The following DLGAP2 variants were observed in gnomAD, a reference collection of about 807,000 sequenced individuals.
The protein encoded by DLGAP2 is disks large-associated protein 2.
Under a neutral mutation model 100.3 loss-of-function variants are expected in DLGAP2, and 26 were observed. The ratio of observed to expected loss-of-function variants is 0.26; its 90% CI spans 0.19 to 0.36. The LOEUF (loss-of-function observed/expected upper bound fraction) is 0.36, where lower values mean the gene tolerates loss of function less well. Ranked by LOEUF, DLGAP2 falls within the 10% of genes least tolerant of loss-of-function variation. The pLI is 1.00. For missense variants in DLGAP2, 1,858 were observed against 1,453.2 expected, an observed-to-expected ratio of 1.28 and a Z score of -4.53; for synonymous variants, 886 against 630.1, an observed-to-expected ratio of 1.41 and a Z score of -6.08.
intron 3 of DLGAP2, among the ~76,000 whole-genome samples, chr8:1,449,676 G>T (rs1202833161): frequency 6.6e-6 from 1 of 152,254 alleles, no homozygotes; most frequent in African/African-American, 2.4e-5. Context: ...GGCTTCAGCA[G>T]AAGGTGGGAG....
At chr8:1,179,778 G>C (rs901854166) in intron 2 of DLGAP2, among the ~76,000 whole-genome samples, 1 of 152,118 alleles carries the variant, frequency 6.6e-6, no homozygotes, top group Non-Finnish European at 1.5e-5. Flanking sequence ...TTTTGAACTA[G>C]AGAATAAAAA....
At chr8:1,488,188 A>G (rs568714654) in intron 3 of DLGAP2, among the ~76,000 whole-genome samples, 3 of 152,206 alleles carry the variant, frequency 2.0e-5, no homozygotes, top group African/African-American at 7.2e-5. Flanking sequence ...TCCTCCCCAC[A>G]CTGTCCTCCA....
chr8:959,627 G>A (rs1220911882), intron 2 of DLGAP2, among the ~76,000 whole-genome samples: 2 of 152,206 alleles, frequency 1.3e-5, no homozygotes, highest in Non-Finnish European at 2.9e-5. Flanking sequence ...CTTGAGTGTG[G>A]TCTTCTGGGA....
At chr8:1,023,819 G>C (rs560217024) in intron 2 of DLGAP2, among the ~76,000 whole-genome samples, 1 of 147,698 alleles carries the variant, frequency 6.8e-6, no homozygotes, top group East Asian at 2.1e-4. Context: ...TTCAAATAAT[G>C]CTTGGTCTTT....
intron 3 of DLGAP2, among the ~76,000 whole-genome samples, chr8:1,410,266 A>C (rs1293737896): frequency 6.6e-6 from 1 of 152,142 alleles, no homozygotes. Flanking sequence ...AGGCACTGGC[A>C]ATGAGGATAC....
intron 3 of DLGAP2, among the ~76,000 whole-genome samples, chr8:1,372,372 G>A (rs551671443): frequency 2.6e-5 from 4 of 152,262 alleles, no homozygotes; most frequent in South Asian, 2.1e-4. Flanking sequence ...ACCGAGGGCC[G>A]ACTCTGCAGG....
At chr8:1,233,569 G>T (rs567989003) in intron 2 of DLGAP2, among the ~76,000 whole-genome samples, 2 of 152,208 alleles carry the variant, frequency 1.3e-5, no homozygotes, top group Non-Finnish European at 1.5e-5. Context: ...CACTCAAGGG[G>T]ACCTGATGCA....
At chr8:1,576,173 G>A (rs1447033405) in intron 6 of DLGAP2, among the ~76,000 whole-genome samples, 3 of 152,152 alleles carry the variant, frequency 2.0e-5, no homozygotes, top group Non-Finnish European at 4.4e-5. Context: ...ACTGGTGTGC[G>A]ATGGTGTCTC....
chr8:1,254,830 C>T (rs1237668894), intron 2 of DLGAP2, among the ~76,000 whole-genome samples: 1 of 151,800 alleles, frequency 6.6e-6, no homozygotes, highest in Non-Finnish European at 1.5e-5. Context: ...AAGACCGCTC[C>T]TGACTTTTCC....
intron 3 of DLGAP2, among the ~76,000 whole-genome samples, chr8:1,266,602 G>T (rs1489893728): frequency 6.6e-6 from 1 of 152,174 alleles, no homozygotes; most frequent in Admixed American, 6.5e-5. Flanking sequence ...GTCCAATGCT[G>T]TTTAACCACA....
At chr8:1,417,562 A>G (rs1796938211) in intron 3 of DLGAP2, among the ~76,000 whole-genome samples, 1 of 146,040 alleles carries the variant, frequency 6.8e-6, no homozygotes, top group Non-Finnish European at 1.5e-5. Context: ...AGCCCAGAAC[A>G]GGGGAGGAGA....
intron 4 of DLGAP2, 145 bp downstream of exon 4, chr8:1,501,576 AC>A: frequency 1.2e-6 from 1 of 803,980 alleles, no homozygotes; most frequent in South Asian, 1.9e-5. Flanking sequence ...ACAATGCGGC[AC>A]TTTTTTCCAA....
At chr8:1,240,726 A>ACATGGCGCCGTGTCTGGTTCTCTCG (rs1354066366) in intron 2 of DLGAP2, among the ~76,000 whole-genome samples, 1,444 of 136,870 alleles carry the variant, frequency 0.011, 144 homozygotes, top group African/African-American at 0.027. Context: ...TAGTTCTCTC[A>ACATGGCGCCGTGTCTGGTTCTCTCG]CATGGCGCCG....
intron 3 of DLGAP2, chr8:1,302,469 G>C (rs1021082812): frequency 6.6e-6 from 1 of 151,748 alleles, no homozygotes; most frequent in Non-Finnish European, 1.5e-5. Flanking sequence ...GTGAGTTCCG[G>C]AGCTCTGCTT....
chr8:972,227 T>A (rs1009307675), intron 2 of DLGAP2, among the ~76,000 whole-genome samples: 1 of 152,212 alleles, frequency 6.6e-6, no homozygotes, highest in African/African-American at 2.4e-5. Flanking sequence ...CACTTTTACC[T>A]GCTTCACTAT....
intron 2 of DLGAP2, among the ~76,000 whole-genome samples, chr8:1,075,824 T>C (rs1042128600): frequency 2.0e-5 from 3 of 151,632 alleles, no homozygotes; most frequent in Non-Finnish European, 4.4e-5. Context: ...CCCAGCACCT[T>C]GGGAGGCCAA....
intron 2 of DLGAP2, among the ~76,000 whole-genome samples, chr8:1,079,597 A>G (rs1051330321): frequency 1.3e-5 from 2 of 152,202 alleles, no homozygotes; most frequent in Non-Finnish European, 2.9e-5. Flanking sequence ...TCTAATGGTC[A>G]TGTGTTTATC....
intron 3 of DLGAP2, among the ~76,000 whole-genome samples, chr8:1,492,734 C>T (rs78330066): frequency 0.017 from 2,529 of 152,324 alleles, 79 homozygotes; most frequent in African/African-American, 0.058. Flanking sequence ...GCACCTTCCC[C>T]GGCTCCATGC....
At chr8:782,760 G>T (rs975007983) in intron 1 of DLGAP2, among the ~76,000 whole-genome samples, 1 of 152,052 alleles carries the variant, frequency 6.6e-6, no homozygotes, top group East Asian at 1.9e-4. Context: ...AGGGTTTGTT[G>T]TCTGCCAATC....
Sources: allele counts gnomAD v4.1 joint callset (sites outside exome capture counted in the v4.1 genomes callset), GRCh38; gene constraint gnomAD v4.1.1; transcripts MANE v1.5; gene names NCBI Gene and HGNC (gene_info 2026-07-23, HGNC 2026-07-21).